The following CACUL1 variants were observed in gnomAD, a reference collection of about 807,000 sequenced individuals.
The protein encoded by CACUL1 is CDK2-associated and cullin domain-containing protein 1.
Under a neutral mutation model 45.2 loss-of-function variants are expected in CACUL1, and 13 were observed. The observed-to-expected ratio is 0.29, with a 90% CI of 0.19 to 0.46. The LOEUF (loss-of-function observed/expected upper bound fraction) is 0.46, where lower values mean the gene tolerates loss of function less well. Ranked by LOEUF, CACUL1 falls within the 20% of genes least tolerant of loss-of-function variation. The pLI is 1.00. For synonymous variants in CACUL1, 197 were observed against 174.2 expected, an observed-to-expected ratio of 1.13 and a Z score of -1.03; for missense variants, 421 against 471.4, an observed-to-expected ratio of 0.89 and a Z score of 0.99.
chr10:118,688,420 T>C (rs574461802), intron 7 of CACUL1, among the ~76,000 whole-genome samples: 15 of 152,364 alleles, frequency 9.8e-5, no homozygotes, highest in African/African-American at 2.6e-4. Flanking sequence ...CCTCGACTTA[T>C]AGACACAACC....
At chr10:118,730,172 T>C in intron 2 of CACUL1, 112 bp downstream of exon 2, 7 of 1,163,956 alleles carry the variant, frequency 6.0e-6, no homozygotes, top group Non-Finnish European at 7.5e-6. Flanking sequence ...ATAAAACACT[T>C]ACAGAGCCTC....
In CACUL1 at chr10:118,754,585, C is replaced by G. The variant is rs558265083; in HGVS notation, c.178G>C (p.Val60Leu). The change falls in exon 1 of 9, where the codon GTG (valine) becomes CTG (leucine). Residue 60 changes from valine to leucine, a missense_variant. Val to Leu is a conservative substitution (Grantham distance 32, BLOSUM62 1). Around this residue, in one of 2 missense-constraint regions of CACUL1, gnomAD observed 213 missense variants for 173.1 expected, o/e 1.23. Transcript: ENST00000369151. ...TTCCTGTCCACGGAGACCGCGGGCACCGCCAGCAGCTGCCCCCCCGGAGGC... is the reference window on the plus strand; with the variant it reads ...TTCCTGTCCACGGAGACCGCGGGCAGCGCCAGCAGCTGCCCCCCCGGAGGC... ...REPPGGQLLA[V>L]PAVSVDRKGP... 16 of 1,609,314 alleles carry G rather than the reference C, an allele frequency of 9.9e-6. No homozygotes were observed. The South Asian group carries it at 1.5e-4, about 16-fold the overall frequency.
chr10:118,731,410 A>G (rs1845696814), intron 1 of CACUL1, among the ~76,000 whole-genome samples: 1 of 152,216 alleles, frequency 6.6e-6, no homozygotes, highest in Admixed American at 6.5e-5. Context: ...TTAGTCATCC[A>G]GGTTCAAGAT....
intron 1 of CACUL1, among the ~76,000 whole-genome samples, chr10:118,738,761 C>G (rs1845763562): frequency 6.6e-6 from 1 of 151,582 alleles, no homozygotes. Flanking sequence ...GAGATCAAAA[C>G]AAATTTGAAA....
intron 3 of CACUL1, 135 bp downstream of exon 3, chr10:118,729,160 A>G (rs1436293552): frequency 3.2e-6 from 2 of 618,064 alleles, no homozygotes; most frequent in African/African-American, 3.8e-5. Flanking sequence ...TGATTTGATC[A>G]ACATTCACCT....
chr10:118,740,241 T>C (rs1845779697), intron 1 of CACUL1, among the ~76,000 whole-genome samples: 1 of 152,176 alleles, frequency 6.6e-6, no homozygotes, highest in Non-Finnish European at 1.5e-5. Flanking sequence ...TAAAATAAAA[T>C]GTAATCTCAG....
chr10:118,733,042 G>A (rs1033288554), intron 1 of CACUL1, among the ~76,000 whole-genome samples: 3 of 152,148 alleles, frequency 2.0e-5, no homozygotes, highest in Admixed American at 1.3e-4. Context: ...CCTATCTTCT[G>A]GGCTCCTAAA....
intron 6 of CACUL1, chr10:118,691,649 C>T (rs762911941): frequency 1.6e-4 from 55 of 343,714 alleles, no homozygotes; most frequent in Non-Finnish European, 2.6e-4. Context: ...AGGTGGATCA[C>T]GAGGTCAGGA....
chr10:118,727,840 C>T (rs1047153346), intron 3 of CACUL1, among the ~76,000 whole-genome samples: 1 of 152,164 alleles, frequency 6.6e-6, no homozygotes, highest in African/African-American at 2.4e-5. Context: ...ACAGAGTCCA[C>T]AGCGAGACCC....
chr10:118,740,736 C>T (rs1298521362), intron 1 of CACUL1, among the ~76,000 whole-genome samples: 2 of 152,018 alleles, frequency 1.3e-5, no homozygotes, highest in Non-Finnish European at 2.9e-5. Flanking sequence ...ACCATCCTGG[C>T]TAACACGGTG....
intron 2 of CACUL1, among the ~76,000 whole-genome samples, chr10:118,729,733 TAAGG>T (rs1233152263): frequency 6.6e-6 from 1 of 152,174 alleles, no homozygotes; most frequent in Non-Finnish European, 1.5e-5. Flanking sequence ...AATGTCAAAA[TAAGG>T]AAGAGAGAGT....
At chr10:118,753,492 T>A (rs961908128) in intron 1 of CACUL1, among the ~76,000 whole-genome samples, 1 of 152,196 alleles carries the variant, frequency 6.6e-6, no homozygotes, top group Non-Finnish European at 1.5e-5. Flanking sequence ...ATGGTCACAA[T>A]CATTTTCAAC....
At chr10:118,718,541 T>A (rs10749269) in intron 3 of CACUL1, among the ~76,000 whole-genome samples, 117,904 of 151,988 alleles carry the variant, frequency 0.78, 45,827 homozygotes, top group Middle Eastern at 0.82. Context: ...GACAAACACC[T>A]CACGGCCCGT....
At chr10:118,742,913 T>C (rs879279992) in intron 1 of CACUL1, among the ~76,000 whole-genome samples, 18 of 152,192 alleles carry the variant, frequency 1.2e-4, no homozygotes, top group Non-Finnish European at 1.9e-4. Context: ...GTGAGGGTGC[T>C]GAACAATGAA....
intron 5 of CACUL1, among the ~76,000 whole-genome samples, chr10:118,697,783 A>G (rs1265121125): frequency 1.3e-5 from 2 of 150,450 alleles, no homozygotes; most frequent in South Asian, 2.1e-4. Flanking sequence ...TCAACACACT[A>G]TATTTTCCCA....
At chr10:118,686,391 C>T (rs572469074) in intron 8 of CACUL1, among the ~76,000 whole-genome samples, 2 of 152,278 alleles carry the variant, frequency 1.3e-5, no homozygotes, top group Admixed American at 6.5e-5. Flanking sequence ...AACTAAAGAA[C>T]CTGGTGGCCT....
intron 7 of CACUL1, among the ~76,000 whole-genome samples, chr10:118,687,099 C>A (rs1845214786): frequency 6.6e-6 from 1 of 152,134 alleles, no homozygotes; most frequent in African/African-American, 2.4e-5. Flanking sequence ...AATGCCACAG[C>A]ACACATTCCT....
At chr10:118,754,033 T>G (rs1389427058) in intron 1 of CACUL1, among the ~76,000 whole-genome samples, 1 of 152,206 alleles carries the variant, frequency 6.6e-6, no homozygotes, top group Non-Finnish European at 1.5e-5. Flanking sequence ...CAGCCTTATT[T>G]TCCCCTCACT....
At chr10:118,706,383 C>T (rs369801229) in intron 4 of CACUL1, among the ~76,000 whole-genome samples, 5 of 152,242 alleles carry the variant, frequency 3.3e-5, no homozygotes, top group South Asian at 4.1e-4. Context: ...GGAGTCGGCT[C>T]GCACGGAAAT....
Sources: allele counts gnomAD v4.1 joint callset (sites outside exome capture counted in the v4.1 genomes callset), GRCh38; gene constraint gnomAD v4.1.1; regional missense constraint gnomAD v4.1.1; transcripts MANE v1.5; gene names NCBI Gene and HGNC (gene_info 2026-07-23, HGNC 2026-07-21).